Variants in AUTS2 observed in about 807,000 individuals in gnomAD.
AUTS2 encodes activator of transcription and developmental regulator AUTS2.
AUTS2 carries 17 observed loss-of-function variants against 112.4 expected under a neutral mutation model. The observed-to-expected ratio is 0.15, with a 90% CI of 0.10 to 0.23. The LOEUF is 0.23. AUTS2 is among the 10% of genes least tolerant of loss of function. The pLI, the probability that AUTS2 is intolerant of heterozygous loss-of-function variation, is 1.00. For synonymous variants in AUTS2, 751 were observed against 702.7 expected, an observed-to-expected ratio of 1.07 and a Z score of -1.09; for missense variants, 1,510 against 1,701.6, an observed-to-expected ratio of 0.89 and a Z score of 1.98.
intron 1 of AUTS2, among the ~76,000 whole-genome samples, chr7:69,603,889 A>G (rs1201055179): frequency 6.6e-6 from 1 of 152,100 alleles, no homozygotes; most frequent in African/African-American, 2.4e-5. Flanking sequence ...GCTTTCTGCT[A>G]TTTGGGTTTT....
Position 70,565,012 on chromosome 7 carries a change from C to T in AUTS2, c.690+129231C>T, listed in dbSNP as rs192271618. ...ACTCAGGAGGCTGAGGCAGAAGAAT[C>T]GCTTGAACCCGGGAGGGAGAGGTTG... On this transcript the variant is annotated intron_variant, in intron 5 of 18. Coordinates refer to ENST00000342771, the MANE Select transcript of AUTS2 (RefSeq NM_015570.4). Among the ~76,000 whole-genome samples, 21 of 152,150 alleles carry T rather than the reference C, an allele frequency of 1.4e-4. No individual in the cohort carries two copies. In the East Asian group the frequency reaches 2.7e-3, roughly 20 times the overall value.
At chr7:70,386,800 C>T (rs17455954) in intron 4 of AUTS2, among the ~76,000 whole-genome samples, 1,645 of 152,222 alleles carry the variant, frequency 0.011, 11 homozygotes, top group Admixed American at 0.017. Context: ...CTCATCATTT[C>T]ACCAACACTC....
At position 69,674,306 on chromosome 7, in the gene AUTS2, A is replaced by G. The variant is rs531984986; in HGVS notation, c.309+74344A>G. On this transcript the variant is annotated intron_variant, in intron 1 of 18. Transcript: ENST00000342771. ...CTTCTCTGGAGGCTGTTTGTCTTCC[A>G]TTCTGGCTGCCTCTCTTGAGAACTG... 6.0e-4 allele frequency among the ~76,000 whole-genome samples: 91 copies of G among 152,338 alleles called. 1 individual carries two copies. The highest frequency in any genetic ancestry group is 1.1e-3 in the Non-Finnish European group (75 of 68,028).
chr7:70,219,260 A>G (rs1811342258), intron 4 of AUTS2, among the ~76,000 whole-genome samples: 1 of 152,220 alleles, frequency 6.6e-6, no homozygotes, highest in Non-Finnish European at 1.5e-5. Context: ...CATCAAGCAC[A>G]TTTATGACAA....
chr7:70,354,983 GGTGT>G (rs142343526), intron 4 of AUTS2, among the ~76,000 whole-genome samples: 1 of 145,746 alleles, frequency 6.9e-6, no homozygotes, highest in Non-Finnish European at 1.5e-5. Context: ...TGTATGTATG[GGTGT>G]GTGTGTGTAT....
chr7:69,684,409 G>GT (rs1414197989), intron 1 of AUTS2, among the ~76,000 whole-genome samples: 3 of 151,998 alleles, frequency 2.0e-5, no homozygotes, highest in Non-Finnish European at 2.9e-5. Flanking sequence ...GCCCCGTTCT[G>GT]TTTTTTTGCT....
At chr7:70,785,104 C>A in intron 16 of AUTS2, 85 bp downstream of exon 16, 2 of 1,437,808 alleles carry the variant, frequency 1.4e-6, no homozygotes, top group Non-Finnish European at 9.7e-7. Flanking sequence ...CACCTCCGGG[C>A]AAGCTGGTGG....
At chr7:70,281,653 A>G (rs561338116) in intron 4 of AUTS2, among the ~76,000 whole-genome samples, 10 of 151,550 alleles carry the variant, frequency 6.6e-5, no homozygotes, top group East Asian at 5.8e-4. Flanking sequence ...TGTATTTTCT[A>G]TCATACTTAC....
At chr7:70,647,450 G>A (rs1806234027) in intron 5 of AUTS2, among the ~76,000 whole-genome samples, 1 of 152,192 alleles carries the variant, frequency 6.6e-6, no homozygotes, top group South Asian at 2.1e-4. Flanking sequence ...GTGAGGAGTG[G>A]TTTGCTTTGA....
intron 2 of AUTS2, among the ~76,000 whole-genome samples, chr7:70,008,110 A>G (rs555932050): frequency 2.0e-5 from 3 of 151,862 alleles, no homozygotes; most frequent in South Asian, 2.1e-4. Flanking sequence ...TATTAACTCT[A>G]TGTTGTGTTT....
chr7:70,298,424 G>T (rs114657268), intron 4 of AUTS2, among the ~76,000 whole-genome samples: 246 of 152,270 alleles, frequency 1.6e-3, no homozygotes, highest in African/African-American at 5.6e-3. Context: ...TCAGTCAGAA[G>T]TGATTCTGAA....
intron 5 of AUTS2, among the ~76,000 whole-genome samples, chr7:70,448,996 T>C (rs1370091188): frequency 6.6e-6 from 1 of 152,262 alleles, no homozygotes; most frequent in Non-Finnish European, 1.5e-5. Flanking sequence ...GCTTTGACTG[T>C]GTTTATGTTA....
chr7:69,746,356 T>C (rs1787496756), intron 1 of AUTS2, among the ~76,000 whole-genome samples: 1 of 152,114 alleles, frequency 6.6e-6, no homozygotes, highest in African/African-American at 2.4e-5. Context: ...TACCTTCTAC[T>C]TGGGAGAAAC....
intron 6 of AUTS2, chr7:70,729,334 A>G: frequency 2.8e-6 from 1 of 362,684 alleles, no homozygotes. Context: ...AAGACTGGTA[A>G]TAGCCTGGCC....
chr7:70,702,493 C>G (rs1809511096), intron 6 of AUTS2, among the ~76,000 whole-genome samples: 1 of 152,210 alleles, frequency 6.6e-6, no homozygotes, highest in South Asian at 2.1e-4. Context: ...CTCTTTCCTT[C>G]AACTTTGTCT....
chr7:69,913,325 C>T (rs1384150224), intron 2 of AUTS2, among the ~76,000 whole-genome samples: 3 of 152,264 alleles, frequency 2.0e-5, no homozygotes, highest in African/African-American at 4.8e-5. Flanking sequence ...TAATTTAGGA[C>T]ATTACTGGGA....
intron 2 of AUTS2, among the ~76,000 whole-genome samples, chr7:70,017,934 T>C (rs890519918): frequency 1.3e-5 from 2 of 151,530 alleles, no homozygotes; most frequent in East Asian, 1.9e-4. Flanking sequence ...TTTTGAAAGA[T>C]AGTGAGGCAT....
At chr7:70,098,765 C>T (rs895350227) in intron 2 of AUTS2, among the ~76,000 whole-genome samples, 1 of 151,114 alleles carries the variant, frequency 6.6e-6, no homozygotes, top group Non-Finnish European at 1.5e-5. Context: ...TGCAATGTCA[C>T]AATCTCGGCT....
chr7:69,793,989 G>T (rs1270701921), intron 1 of AUTS2, among the ~76,000 whole-genome samples: 1 of 152,136 alleles, frequency 6.6e-6, no homozygotes, highest in Non-Finnish European at 1.5e-5. Context: ...GGGGGTGATT[G>T]GAGCATGGGG....
Sources: gnomAD v4.1 joint callset for allele counts (sites outside exome capture counted in the v4.1 genomes callset) on GRCh38, gnomAD v4.1.1 for gene constraint, MANE v1.5 for transcripts, NCBI Gene and HGNC (gene_info 2026-07-23, HGNC 2026-07-21) for gene names.